HEATR3: variants seen among roughly 807,000 people sequenced by gnomAD.
HEATR3 encodes HEAT repeat containing 3.
HEATR3 carries 56 observed loss-of-function variants against 72.8 expected under a neutral mutation model. The observed-to-expected ratio is 0.77, with a 90% CI of 0.62 to 0.96. The LOEUF (loss-of-function observed/expected upper bound fraction) is 0.96. HEATR3 is among the 40% of genes least tolerant of loss of function. The probability of loss-of-function intolerance (pLI) is 0.00; values close to 1 mark genes in which losing one functional copy is unlikely to be tolerated. For missense variants in HEATR3, 747 were observed against 831.4 expected (o/e 0.90, Z 1.25); for synonymous variants, 331 against 318.1 (o/e 1.04, Z -0.43).
Position 50,066,375 on chromosome 16 carries a change from C to T in HEATR3, c.147C>T (p.His49=). Residue 49 remains histidine (H), a synonymous_variant, in exon 2 of 15, where the codon CAC becomes CAT. Coordinates refer to ENST00000299192, the MANE Select transcript of HEATR3 (RefSeq NM_182922.4). ...TTCGCTCTCATCCGCAGCTCCAGCA[C>T]CCGAGCGCCGAGGTCCGCGAGTGCG... ...PAAELLEKLQ[H]PSAEVRECAC... 1 of 1,550,160 alleles carries T rather than the reference C, an allele frequency of 6.5e-7. No individual in the cohort carries two copies.
chr16:50,082,357 A>G (rs149241649), intron 7 of HEATR3, among the ~76,000 whole-genome samples: 5 of 152,232 alleles, frequency 3.3e-5, no homozygotes, highest in African/African-American at 1.2e-4. Flanking sequence ...AAAAAAGAAT[A>G]AAAAAGAATA....
At chr16:50,067,490 G>C (rs901997813) in intron 2 of HEATR3, among the ~76,000 whole-genome samples, 1 of 150,158 alleles carries the variant, frequency 6.7e-6, no homozygotes, top group African/African-American at 2.5e-5. Context: ...CGAAGCAGCA[G>C]GCAGCTTGAC....
At chr16:50,070,122 C>T (rs1597137266) in intron 3 of HEATR3, 56 bp from the exon 4 acceptor site, 2 of 816,550 alleles carry the variant, frequency 2.4e-6, no homozygotes, top group East Asian at 2.7e-5. Context: ...CATCATTACC[C>T]TATTTGTTTA....
intron 7 of HEATR3, chr16:50,080,391 A>G (rs1335687115): frequency 6.7e-6 from 1 of 149,000 alleles, no homozygotes; most frequent in Non-Finnish European, 1.5e-5. Context: ...CCCAAACTGC[A>G]GTGCAATGGT....
intron 4 of HEATR3, among the ~76,000 whole-genome samples, chr16:50,071,280 T>G (rs2036605261): frequency 6.6e-6 from 1 of 152,248 alleles, no homozygotes; most frequent in African/African-American, 2.4e-5. Context: ...CACAGATGTT[T>G]CTTAGAATAC....
intron 7 of HEATR3, among the ~76,000 whole-genome samples, chr16:50,083,311 G>T (rs1222986298): frequency 4.6e-5 from 7 of 152,102 alleles, no homozygotes; most frequent in Non-Finnish European, 1.0e-4. Context: ...AAGAAATGTT[G>T]GTTGATAATG....
At chr16:50,090,347 C>T (rs2037082161) in intron 11 of HEATR3, among the ~76,000 whole-genome samples, 1 of 151,890 alleles carries the variant, frequency 6.6e-6, no homozygotes, top group Non-Finnish European at 1.5e-5. Flanking sequence ...GAGTGAGACT[C>T]TTATCTCAAT....
rs761802263 is a variant in HEATR3 at position 50,066,264 on chromosome 16, G to C, written c.133G>C (p.Glu45Gln). 6.4e-7 allele frequency: 1 copy of C among 1,571,262 alleles called. No homozygotes were observed. The highest frequency in any genetic ancestry group is 1.2e-5 in the South Asian group (1 of 86,546). Residue 45 changes from glutamate (E) to glutamine (Q), a missense_variant, in exon 1 of 15, where the codon GAA becomes CAA. By Grantham distance (29) the Glu-to-Gln change is conservative (BLOSUM62 2). Transcript: ENST00000299192. Reference protein sequence around the residue: ...EDDGPAAELLEKLQHPSAEVR... With the variant: ...EDDGPAAELLQKLQHPSAEVR... ...CGACGGGCCGGCGGCGGAGCTGCTG[G>C]AAAAGGTGAGGCGAGGGCTCCGTCG...
At chr16:50,081,941 G>A (rs1027778335) in intron 7 of HEATR3, among the ~76,000 whole-genome samples, 13 of 152,104 alleles carry the variant, frequency 8.5e-5, no homozygotes, top group African/African-American at 2.7e-4. Context: ...ATAACATTTC[G>A]TCTAAATTGG....
rs1355163044 is a variant in HEATR3 at position 50,106,966 on chromosome 16, A to G, written c.*1905A>G. Among the ~76,000 whole-genome samples, 2 of 152,154 alleles carry G rather than the reference A, an allele frequency of 1.3e-5. No homozygotes were observed. The highest frequency in any genetic ancestry group is 2.4e-5 in the African/African-American group (1 of 41,438). ...ACCATATACAACACCTCGCTTTATT[A>G]TGGTCCTTGCTCATGAATTTTAAGG... On this transcript the variant is annotated 3_prime_UTR_variant, in exon 15 of 15. Transcript: ENST00000299192.
In HEATR3 at chr16:50,084,123, C is replaced by G. The variant is rs1279156711; in HGVS notation, c.1133-11C>G. On this transcript the variant is annotated splice_polypyrimidine_tract_variant and intron_variant, in intron 8 of 14. Coordinates refer to ENST00000299192, the MANE Select transcript of HEATR3 (RefSeq NM_182922.4). ...ACTATTCCAGTTCTGCGTGGTTTGC[C>G]CGCTTCCCAGATCCCTCTGATGACG... 2 of 1,614,094 alleles carry G rather than the reference C, an allele frequency of 1.2e-6. No individual in the cohort carries two copies. Among genetic ancestry groups the G allele is most frequent in the Admixed American group, 1.7e-5 (1 of 60,018 alleles).
chr16:50,074,105 C>T, intron 5 of HEATR3: 1 of 152,158 alleles, frequency 6.6e-6, no homozygotes, highest in East Asian at 1.9e-4. Flanking sequence ...AATGTATCAT[C>T]AACCACAGCA....
chr16:50,068,108 C>A (rs1190546403), intron 2 of HEATR3, among the ~76,000 whole-genome samples: 1 of 152,098 alleles, frequency 6.6e-6, no homozygotes, highest in South Asian at 2.1e-4. Context: ...AAGCCCTTCC[C>A]TTCCTCCCAC....
chr16:50,071,850 A>G (rs1222658156), intron 4 of HEATR3, among the ~76,000 whole-genome samples: 2 of 152,246 alleles, frequency 1.3e-5, no homozygotes, highest in Admixed American at 6.5e-5. Context: ...CATGGATACA[A>G]TTATTACAAT....
At chr16:50,091,602 C>T (rs572257189) in intron 11 of HEATR3, among the ~76,000 whole-genome samples, 102 of 151,768 alleles carry the variant, frequency 6.7e-4, no homozygotes, top group African/African-American at 1.8e-3. Context: ...TGGCTGGGCA[C>T]GGTGGCTCAC....
At chr16:50,077,569 C>CA (rs2036764754) in intron 6 of HEATR3, among the ~76,000 whole-genome samples, 1 of 152,172 alleles carries the variant, frequency 6.6e-6, no homozygotes, top group African/African-American at 2.4e-5. Context: ...CCTTTAAACA[C>CA]AATTTTTCCC....
chr16:50,097,023 C>T lies in HEATR3; in HGVS notation c.1599+2230C>T, dbSNP rs150567277. Among the ~76,000 whole-genome samples, 829 of 152,124 alleles carry T rather than the reference C, an allele frequency of 5.4e-3. 10 individuals carry two copies. The highest frequency in any genetic ancestry group is 0.02 in the South Asian group (97 of 4,828). ...TCTGTCCCCCATGTTTCCTGTGAGC[C>T]GGGAGCTAGGTCTAGAGCCTTAATT... On this transcript the variant is annotated intron_variant, in intron 12 of 14. Transcript: ENST00000299192.
intron 11 of HEATR3, among the ~76,000 whole-genome samples, chr16:50,087,146 A>G (rs371010947): frequency 1.7e-4 from 26 of 152,222 alleles, no homozygotes; most frequent in African/African-American, 6.3e-4. Context: ...GAGATTCTCC[A>G]TGTATAAGAG....
intron 12 of HEATR3, chr16:50,098,359 AAAT>A (rs1327634597): frequency 6.6e-6 from 1 of 152,148 alleles, no homozygotes; most frequent in Non-Finnish European, 1.5e-5. Context: ...CTGGCTTTAA[AAAT>A]AATAATAAAT....
Sources: allele counts gnomAD v4.1 joint callset (sites outside exome capture counted in the v4.1 genomes callset), GRCh38; gene constraint gnomAD v4.1.1; transcripts MANE v1.5; gene names NCBI Gene and HGNC (gene_info 2026-07-23, HGNC 2026-07-21).